Variants in NAALADL2 observed in about 807,000 individuals in gnomAD.
NAALADL2 encodes the protein N-acetylated alpha-linked acidic dipeptidase like 2.
NAALADL2 carries 76 observed loss-of-function variants against 87.2 expected under a neutral mutation model. The observed-to-expected ratio is 0.87, with a 90% CI of 0.72 to 1.05. The LOEUF (loss-of-function observed/expected upper bound fraction) is 1.05. Among genes scored for constraint, NAALADL2 ranks in the 50% least tolerant of loss-of-function variants. The pLI is 0.00. For synonymous variants in NAALADL2, 354 were observed against 331.0 expected (o/e 1.07, Z -0.75); for missense variants, 1,089 against 945.8 (o/e 1.15, Z -1.99).
intron 1 of NAALADL2, among the ~76,000 whole-genome samples, chr3:174,885,213 A>T (rs977494197): frequency 3.3e-5 from 5 of 152,106 alleles, no homozygotes; most frequent in African/African-American, 1.2e-4. Context: ...GAGGCTGTGC[A>T]TGCACCTTTC....
At chr3:175,645,254 C>T (rs1325193121) in intron 11 of NAALADL2, among the ~76,000 whole-genome samples, 1 of 151,886 alleles carries the variant, frequency 6.6e-6, no homozygotes, top group Non-Finnish European at 1.5e-5. Flanking sequence ...CCTCACATCC[C>T]GACTCAAAAA....
chr3:175,765,053 A>G (rs914317148), intron 13 of NAALADL2, among the ~76,000 whole-genome samples: 10 of 152,008 alleles, frequency 6.6e-5, no homozygotes, highest in Admixed American at 6.6e-4. Context: ...AATGCCTCTG[A>G]TTTCTTTAGA....
intron 1 of NAALADL2, among the ~76,000 whole-genome samples, chr3:175,090,461 C>A (rs771498179): frequency 6.6e-6 from 1 of 152,008 alleles, no homozygotes; most frequent in African/African-American, 2.4e-5. Flanking sequence ...ATTGCAGTTG[C>A]ACACAGGGCC....
At chr3:175,054,458 C>A (rs1711684452) in intron 1 of NAALADL2, among the ~76,000 whole-genome samples, 2 of 152,150 alleles carry the variant, frequency 1.3e-5, no homozygotes, top group African/African-American at 4.8e-5. Flanking sequence ...GAATTGATAG[C>A]TCTTAAGTCA....
At chr3:174,532,770 A>G (rs957927489) in intron 1 of NAALADL2, among the ~76,000 whole-genome samples, 2 of 151,940 alleles carry the variant, frequency 1.3e-5, no homozygotes, top group Non-Finnish European at 2.9e-5. Context: ...TCACTTCTCA[A>G]CTTCACCAAA....
rs184666567 is a variant in NAALADL2 at position 174,532,127 on chromosome 3, T to A, written c.-183-18442T>A. 1.2e-4 allele frequency among the ~76,000 whole-genome samples: 19 copies of A among 152,312 alleles called. No homozygotes were observed. In the East Asian group the frequency reaches 3.5e-3, roughly 28 times the overall value. On this transcript the variant is annotated intron_variant, in intron 1 of 3. Coordinates refer to the NAALADL2 transcript ENST00000434257. Reference sequence around the variant, plus strand: ...TTCATTTATAATTGTGTTCAATGCATCAGACATTTATTAAGTCTCTACTTT... The same window carrying A: ...TTCATTTATAATTGTGTTCAATGCAACAGACATTTATTAAGTCTCTACTTT...
chr3:175,118,565 G>T (rs780409170), intron 2 of NAALADL2, among the ~76,000 whole-genome samples: 1 of 151,678 alleles, frequency 6.6e-6, no homozygotes, highest in Non-Finnish European at 1.5e-5. Flanking sequence ...TCAGCACATG[G>T]TATAGTGGTG....
intron 2 of NAALADL2, among the ~76,000 whole-genome samples, chr3:175,186,923 T>G (rs1737417653): frequency 6.6e-6 from 1 of 152,180 alleles, no homozygotes; most frequent in African/African-American, 2.4e-5. Flanking sequence ...ATAATAATTT[T>G]CCTCATCTTG....
At chr3:174,569,075 C>G (rs1448418546) in intron 2 of NAALADL2, among the ~76,000 whole-genome samples, 1 of 151,346 alleles carries the variant, frequency 6.6e-6, no homozygotes, top group Non-Finnish European at 1.5e-5. Flanking sequence ...TTTCAGCCAT[C>G]AAAATATGTC....
intron 9 of NAALADL2, among the ~76,000 whole-genome samples, chr3:175,537,390 CAG>C (rs1467358798): frequency 1.3e-5 from 2 of 152,146 alleles, no homozygotes; most frequent in Non-Finnish European, 2.9e-5. Flanking sequence ...GAGGGAAGAG[CAG>C]AGATTGATCT....
At chr3:174,485,037 A>G (rs892904796) in intron 1 of NAALADL2, among the ~76,000 whole-genome samples, 1 of 152,062 alleles carries the variant, frequency 6.6e-6, no homozygotes, top group Non-Finnish European at 1.5e-5. Flanking sequence ...GTTCTCCATT[A>G]TAATATACCC....
At chr3:174,718,715 A>G (rs1369307554) in intron 2 of NAALADL2, among the ~76,000 whole-genome samples, 1 of 152,194 alleles carries the variant, frequency 6.6e-6, no homozygotes, top group Non-Finnish European at 1.5e-5. Context: ...CATTCTCTAA[A>G]TCCAGGGCTG....
intron 2 of NAALADL2, among the ~76,000 whole-genome samples, chr3:174,560,624 A>G (rs926303666): frequency 1.3e-5 from 2 of 152,078 alleles, no homozygotes; most frequent in African/African-American, 4.8e-5. Context: ...ATTCTACTGT[A>G]TTTTGATTGA....
Position 175,539,622 on chromosome 3 carries a change from T to TTTC in NAALADL2, c.1654-36419_1654-36418insTTC, listed in dbSNP as rs1174333811. On this transcript the variant is annotated intron_variant, in intron 9 of 13. Transcript: ENST00000454872. ...GTACTAAGCATAGTACCACAGTTGT[T>TTTC]GTCGTTGTTCTGAACCTCTCTCTCT... is the stretch of plus-strand genomic sequence containing the variant. 2.4e-4 allele frequency among the ~76,000 whole-genome samples: 3 copies of TTTC among 12,396 alleles called. No homozygotes were observed. The African/African-American group carries it at 3.4e-3, about 14-fold the overall frequency. The allele number at this position is 12,396 out of a possible 152,430, so 8.1% of individuals were successfully genotyped here.
intron 1 of NAALADL2, among the ~76,000 whole-genome samples, chr3:174,956,204 A>G (rs1458853459): frequency 6.6e-6 from 1 of 152,076 alleles, no homozygotes; most frequent in East Asian, 1.9e-4. Context: ...GGAAATAACT[A>G]GGATAAATTT....
intron 1 of NAALADL2, among the ~76,000 whole-genome samples, chr3:174,508,077 G>T (rs1253211262): frequency 2.1e-5 from 3 of 142,270 alleles, no homozygotes; most frequent in Admixed American, 6.9e-5. Flanking sequence ...ACTTAGTATG[G>T]CCAGTTTTTT....
At chr3:174,538,315 T>C (rs926600277) in intron 1 of NAALADL2, among the ~76,000 whole-genome samples, 6 of 151,954 alleles carry the variant, frequency 3.9e-5, no homozygotes, top group African/African-American at 1.4e-4. Context: ...CCAGCCAGGA[T>C]GGGAAGTGGA....
At chr3:175,030,472 A>G (rs928538869) in intron 1 of NAALADL2, among the ~76,000 whole-genome samples, 1 of 152,094 alleles carries the variant, frequency 6.6e-6, no homozygotes, top group Admixed American at 6.6e-5. Context: ...ATTATGTATC[A>G]TGTAGACTAG....
chr3:175,311,841 C>A (rs1232644975), intron 4 of NAALADL2, among the ~76,000 whole-genome samples: 1 of 151,920 alleles, frequency 6.6e-6, no homozygotes, highest in African/African-American at 2.4e-5. Flanking sequence ...TTTTCCTTTA[C>A]AAAAGCAGGA....
Sources: gnomAD v4.1 joint callset for allele counts (sites outside exome capture counted in the v4.1 genomes callset) on GRCh38, gnomAD v4.1.1 for gene constraint, MANE v1.5 for transcripts, NCBI Gene and HGNC (gene_info 2026-07-23, HGNC 2026-07-21) for gene names.